The following SLC35G2 variants were observed in gnomAD, a reference collection of about 807,000 sequenced individuals.
SLC35G2 encodes solute carrier family 35 member G2.
Under a neutral mutation model 27.2 loss-of-function variants are expected in SLC35G2, and 20 were observed. That is an observed-to-expected ratio of 0.74 (90% CI 0.52 to 1.07). The LOEUF is 1.07. Ranked by LOEUF, SLC35G2 falls within the 50% of genes least tolerant of loss-of-function variation. SLC35G2 has a pLI of 0.00. For missense variants in SLC35G2, 416 were observed against 493.3 expected, an observed-to-expected ratio of 0.84 and a Z score of 1.48; for synonymous variants, 148 against 165.3, an observed-to-expected ratio of 0.90 and a Z score of 0.80.
chr3:136,825,763 G>T (rs1325565949), intron 1 of SLC35G2, among the ~76,000 whole-genome samples: 1 of 152,188 alleles, frequency 6.6e-6, no homozygotes, highest in African/African-American at 2.4e-5. Context: ...ACTTGGTCAT[G>T]ATGAATGACT....
intron 1 of SLC35G2, among the ~76,000 whole-genome samples, chr3:136,833,025 C>T (rs969939059): frequency 1.2e-4 from 18 of 147,374 alleles, no homozygotes; most frequent in African/African-American, 4.0e-4. Flanking sequence ...GCTGAGATCG[C>T]GCCACTGCAC....
intron 1 of SLC35G2, among the ~76,000 whole-genome samples, chr3:136,827,903 T>C (rs1936624486): frequency 1.3e-5 from 2 of 151,780 alleles, no homozygotes; most frequent in South Asian, 4.2e-4. Context: ...CTCGGCTCAC[T>C]GCAACTTCCA....
chr3:136,847,590 AAAAAAAAAAT>A (rs533454749), intron 1 of SLC35G2, among the ~76,000 whole-genome samples: 4 of 150,472 alleles, frequency 2.7e-5, no homozygotes, highest in Non-Finnish European at 4.4e-5. Flanking sequence ...TCTCAAAAAG[AAAAAAAAAAT>A]TGGCTTATGT....
rs1206136320 is a variant in SLC35G2 at position 136,819,646 on chromosome 3, CAT to C, written c.-19+21_-19+22del. On this transcript the variant is annotated intron_variant, in intron 1 of 1. Coordinates refer to ENST00000446465, the MANE Select transcript of SLC35G2 (RefSeq NM_025246.3). ...AGCAAGGGGTGAGTCACTGTGGCGT[CAT>C]ATGGGATCAATTTCAAATACAAGTT... 1 of 152,286 alleles carries C rather than the reference CAT, an allele frequency of 6.6e-6. No homozygotes were observed. Among genetic ancestry groups the C allele is most frequent in the African/African-American group, 2.4e-5 (1 of 41,468 alleles). 9.4% of individuals were successfully genotyped at this position (152,286 alleles called of 1,614,324 possible).
chr3:136,840,033 C>T (rs1178862562), intron 1 of SLC35G2, among the ~76,000 whole-genome samples: 3 of 152,328 alleles, frequency 2.0e-5, no homozygotes, highest in South Asian at 2.1e-4. Flanking sequence ...CCCTTTAAAT[C>T]ACATTCTACC....
chr3:136,832,322 T>C (rs1013009748), intron 1 of SLC35G2, among the ~76,000 whole-genome samples: 4 of 152,128 alleles, frequency 2.6e-5, no homozygotes, highest in South Asian at 4.1e-4. Flanking sequence ...CTCATTCTTC[T>C]AATCTAGAAG....
chr3:136,833,529 G>T (rs571379076), intron 1 of SLC35G2, among the ~76,000 whole-genome samples: 2 of 152,262 alleles, frequency 1.3e-5, no homozygotes, highest in Admixed American at 1.3e-4. Context: ...GGAGTCGGCG[G>T]GTGGGGGGTG....
chr3:136,852,229 AAG>A (rs1385015517), intron 1 of SLC35G2, among the ~76,000 whole-genome samples: 2 of 138,270 alleles, frequency 1.4e-5, no homozygotes, highest in African/African-American at 2.6e-5. Context: ...GTGCAGGAAG[AAG>A]GACTGCAAAT....
intron 1 of SLC35G2, among the ~76,000 whole-genome samples, chr3:136,829,903 T>C (rs1315278369): frequency 1.3e-5 from 2 of 152,130 alleles, no homozygotes; most frequent in African/African-American, 4.8e-5. Context: ...AGTAGTCTTC[T>C]TTGGGTTAAA....
intron 1 of SLC35G2, chr3:136,841,892 T>C (rs1937116261): frequency 1.3e-5 from 2 of 152,150 alleles, no homozygotes; most frequent in South Asian, 2.1e-4. Context: ...TTATATTCAA[T>C]TGAAAGTCTA....
At chr3:136,827,205 TCTA>T (rs1037895190) in intron 1 of SLC35G2, among the ~76,000 whole-genome samples, 2 of 151,964 alleles carry the variant, frequency 1.3e-5, no homozygotes, top group Non-Finnish European at 2.9e-5. Flanking sequence ...TTTATTTTCT[TCTA>T]CTAAGTTTTT....
chr3:136,825,481 GA>G (rs1217733337), intron 1 of SLC35G2, among the ~76,000 whole-genome samples: 2 of 151,924 alleles, frequency 1.3e-5, no homozygotes, highest in East Asian at 3.9e-4. Context: ...GGACTCAAGT[GA>G]CCCGCCCCCT....
intron 1 of SLC35G2, among the ~76,000 whole-genome samples, chr3:136,826,115 C>A (rs1044260923): frequency 6.6e-6 from 1 of 151,956 alleles, no homozygotes; most frequent in Non-Finnish European, 1.5e-5. Flanking sequence ...TGGCTCACTG[C>A]AAGCTCCACC....
intron 1 of SLC35G2, chr3:136,846,650 A>T (rs928150334): frequency 6.6e-6 from 1 of 152,252 alleles, no homozygotes; most frequent in African/African-American, 2.4e-5. Context: ...GATTGTAGAA[A>T]GTTACAGTGG....
At chr3:136,843,579 G>A (rs1937208779) in intron 1 of SLC35G2, among the ~76,000 whole-genome samples, 1 of 152,106 alleles carries the variant, frequency 6.6e-6, no homozygotes, top group Non-Finnish European at 1.5e-5. Context: ...CCAGGAGGTG[G>A]AGGTTGCAGT....
chr3:136,843,762 A>G (rs567216224), intron 1 of SLC35G2, among the ~76,000 whole-genome samples: 2 of 151,766 alleles, frequency 1.3e-5, no homozygotes, highest in African/African-American at 2.4e-5. Flanking sequence ...GCAAAACCCT[A>G]TCTCTACTTA....
chr3:136,830,711 G>A (rs940399686), intron 1 of SLC35G2, among the ~76,000 whole-genome samples: 2 of 152,176 alleles, frequency 1.3e-5, no homozygotes, highest in African/African-American at 4.8e-5. Context: ...ACTGTACACA[G>A]CCCACATCAT....
chr3:136,835,532 C>T (rs1936844267), intron 1 of SLC35G2, among the ~76,000 whole-genome samples: 1 of 151,932 alleles, frequency 6.6e-6, no homozygotes, highest in Non-Finnish European at 1.5e-5. Context: ...ATTCTCTTTC[C>T]CTTTGAATTA....
At chr3:136,834,745 A>G (rs1393012589) in intron 1 of SLC35G2, among the ~76,000 whole-genome samples, 1 of 152,228 alleles carries the variant, frequency 6.6e-6, no homozygotes, top group Non-Finnish European at 1.5e-5. Flanking sequence ...CATACCACAC[A>G]TATTAACTCA....
Sources: gnomAD v4.1 joint callset for allele counts (sites outside exome capture counted in the v4.1 genomes callset) on GRCh38, gnomAD v4.1.1 for gene constraint, MANE v1.5 for transcripts, NCBI Gene and HGNC (gene_info 2026-07-23, HGNC 2026-07-21) for gene names.